TENM3: variants seen among roughly 807,000 people sequenced by gnomAD.
TENM3 encodes the protein teneurin-3.
In TENM3, 63 loss-of-function variants were observed where a neutral mutation model predicts 255.1. The ratio of observed to expected loss-of-function variants is 0.25; its 90% confidence interval spans 0.20 to 0.30. The LOEUF (loss-of-function observed/expected upper bound fraction) is 0.30, where lower values mean the gene tolerates loss of function less well. Among genes scored for constraint, TENM3 ranks in the 10% least tolerant of loss-of-function variants. The pLI, the probability that TENM3 is intolerant of heterozygous loss-of-function variation, is 1.00. For synonymous variants in TENM3, 1,306 were observed against 1,322.3 expected, an observed-to-expected ratio of 0.99 and a Z score of 0.27; for missense variants, 2,929 against 3,461.1, an observed-to-expected ratio of 0.85 and a Z score of 3.86.
chr4:181,659,927 A>C, the TENM3 span, among the ~76,000 whole-genome samples: 2 of 152,122 alleles, frequency 1.3e-5, no homozygotes, highest in African/African-American at 4.8e-5. Flanking sequence ...TAATATTGAC[A>C]ACAAAAGCAG....
At chr4:181,464,847 A>T in the TENM3 span, among the ~76,000 whole-genome samples, 1 of 152,124 alleles carries the variant, frequency 6.6e-6, no homozygotes, top group Non-Finnish European at 1.5e-5. Flanking sequence ...GCTACTTGGG[A>T]GGCTGAGGCA....
In TENM3 at chr4:182,151,578, A is replaced by G. The variant is rs566397709; in HGVS notation, c.-76+6824A>G. Among the ~76,000 whole-genome samples the G allele has an allele frequency of 3.3e-5, 5 of 152,208 alleles. 1 individual carries two copies. In the South Asian group the frequency reaches 1.0e-3, roughly 32 times the overall value. ...GCCAGCTGTAACTTTTATTTCTTTCAGAATTTATAATAACTTCCAGCTAAA... is the reference window on the plus strand; with the variant it reads ...GCCAGCTGTAACTTTTATTTCTTTCGGAATTTATAATAACTTCCAGCTAAA... On this transcript the variant is annotated intron_variant, in intron 1 of 2. Coordinates refer to the TENM3 transcript ENST00000512480.
At chr4:181,947,134 G>A in the TENM3 span, among the ~76,000 whole-genome samples, 23 of 152,270 alleles carry the variant, frequency 1.5e-4, no homozygotes, top group East Asian at 4.2e-3. Context: ...TGCCTACTGT[G>A]AGTCAGGCAC....
At chr4:181,541,161 C>A in the TENM3 span, among the ~76,000 whole-genome samples, 1 of 152,078 alleles carries the variant, frequency 6.6e-6, no homozygotes, top group Non-Finnish European at 1.5e-5. Context: ...ACTGCTTGAG[C>A]TCAGGGGCTG....
At chr4:181,516,405 G>GA in the TENM3 span, among the ~76,000 whole-genome samples, 1 of 151,208 alleles carries the variant, frequency 6.6e-6, no homozygotes, top group African/African-American at 2.4e-5. Context: ...TAAGGCTAAG[G>GA]GAATCAGACC....
the TENM3 span, among the ~76,000 whole-genome samples, chr4:181,973,227 T>A: frequency 6.6e-6 from 1 of 152,236 alleles, no homozygotes; most frequent in African/African-American, 2.4e-5. Flanking sequence ...AAGGCATCAA[T>A]TTTTAAATGT....
intron 3 of TENM3, among the ~76,000 whole-genome samples, chr4:182,464,596 T>C (rs1732412781): frequency 6.6e-6 from 1 of 152,226 alleles, no homozygotes; most frequent in Non-Finnish European, 1.5e-5. Flanking sequence ...TTAAAAATAC[T>C]AGAGTATGAA....
the TENM3 span, among the ~76,000 whole-genome samples, chr4:181,466,058 A>G: frequency 2.0e-5 from 3 of 151,062 alleles, no homozygotes; most frequent in South Asian, 6.3e-4. Context: ...CTTGACATCC[A>G]CCTAAACGTG....
At chr4:181,758,020 G>A in the TENM3 span, among the ~76,000 whole-genome samples, 1 of 152,100 alleles carries the variant, frequency 6.6e-6, no homozygotes. Context: ...CCACAAATAT[G>A]AAAGGAGTAA....
chr4:181,490,247 A>G, the TENM3 span, among the ~76,000 whole-genome samples: 1 of 152,218 alleles, frequency 6.6e-6, no homozygotes, highest in Non-Finnish European at 1.5e-5. Flanking sequence ...GCAACTGAAC[A>G]TAACCTATTT....
At chr4:182,771,619 G>A (rs1240423875) in intron 22 of TENM3, among the ~76,000 whole-genome samples, 1 of 152,138 alleles carries the variant, frequency 6.6e-6, no homozygotes, top group Middle Eastern at 3.2e-3. Flanking sequence ...GTAATCTGCT[G>A]CAAGACTTAT....
chr4:182,506,298 G>A (rs754301000), intron 3 of TENM3, among the ~76,000 whole-genome samples: 1 of 152,112 alleles, frequency 6.6e-6, no homozygotes, highest in Non-Finnish European at 1.5e-5. Flanking sequence ...GAGATAATAC[G>A]GTGTGGTCGA....
chr4:182,164,083 C>T (rs2042229854), intron 1 of TENM3, among the ~76,000 whole-genome samples: 2 of 152,236 alleles, frequency 1.3e-5, no homozygotes, highest in African/African-American at 4.8e-5. Flanking sequence ...CAGTGAGCAC[C>T]AAATCACCAA....
intron 1 of TENM3, among the ~76,000 whole-genome samples, chr4:182,244,939 A>AATT (rs1386424991): frequency 6.6e-6 from 1 of 152,224 alleles, no homozygotes; most frequent in Non-Finnish European, 1.5e-5. Flanking sequence ...CACAAAATTA[A>AATT]ATTTCTAGAG....
At chr4:182,685,677 C>G (rs112991965) in intron 11 of TENM3, among the ~76,000 whole-genome samples, 36 of 152,150 alleles carry the variant, frequency 2.4e-4, no homozygotes, top group African/African-American at 5.3e-4. Flanking sequence ...GTTCAGGTCT[C>G]TTAGGCCTCC....
intron 4 of TENM3, among the ~76,000 whole-genome samples, chr4:182,611,782 C>G (rs1220193850): frequency 6.6e-6 from 1 of 152,236 alleles, no homozygotes; most frequent in East Asian, 1.9e-4. Context: ...AACACTTCCT[C>G]TACTTGGAGG....
At chr4:181,546,277 T>C in the TENM3 span, among the ~76,000 whole-genome samples, 2 of 152,200 alleles carry the variant, frequency 1.3e-5, no homozygotes, top group Admixed American at 6.5e-5. Flanking sequence ...CATTGATTAG[T>C]CCAAAATCTA....
the TENM3 span, among the ~76,000 whole-genome samples, chr4:181,681,069 C>A: frequency 1.3e-5 from 2 of 151,952 alleles, no homozygotes; most frequent in African/African-American, 4.8e-5. Context: ...ATTCTTTTAG[C>A]TAATAAGAAA....
At chr4:181,938,695 T>A in the TENM3 span, among the ~76,000 whole-genome samples, 20,896 of 152,186 alleles carry the variant, frequency 0.14, 1,758 homozygotes, top group South Asian at 0.3. Flanking sequence ...CTCGTGCCCA[T>A]TTCGAGCCCT....
Sources: allele counts gnomAD v4.1 joint callset (sites outside exome capture counted in the v4.1 genomes callset), GRCh38; gene constraint gnomAD v4.1.1; transcripts MANE v1.5; gene names NCBI Gene and HGNC (gene_info 2026-07-23, HGNC 2026-07-21).